ST7: variants seen among roughly 807,000 people sequenced by gnomAD.
ST7 encodes the protein suppressor of tumorigenicity 7 protein.
ST7 carries 28 observed loss-of-function variants against 78.7 expected under a neutral mutation model. That is an observed-to-expected ratio of 0.36 (90% CI 0.26 to 0.49). ST7 has a LOEUF of 0.49. Ranked by LOEUF, ST7 falls within the 20% of genes least tolerant of loss-of-function variation. ST7 has a pLI of 0.99. For missense variants in ST7, 418 were observed against 696.0 expected, an observed-to-expected ratio of 0.60 and a Z score of 4.49; for synonymous variants, 247 against 249.6, an observed-to-expected ratio of 0.99 and a Z score of 0.10.
chr7:117,025,681 C>T (rs1796150270), intron 1 of ST7, among the ~76,000 whole-genome samples: 1 of 152,174 alleles, frequency 6.6e-6, no homozygotes, highest in African/African-American at 2.4e-5. Context: ...TATACTGGAA[C>T]ATAGTCATAC....
In ST7 at chr7:116,998,160, C is replaced by T. The variant is rs150042198; in HGVS notation, c.151+44469C>T. ...CTGCCCACTGGGGAGTCAGCTGAGGCCCAGCGAGAATTCGAGCGTAGCGCT... is the reference window on the plus strand; with the variant it reads ...CTGCCCACTGGGGAGTCAGCTGAGGTCCAGCGAGAATTCGAGCGTAGCGCT... On this transcript the variant is annotated intron_variant, in intron 1 of 15. Coordinates refer to ENST00000323984, the MANE Select transcript of ST7 (RefSeq NM_001369598.1). 6.2e-3 allele frequency among the ~76,000 whole-genome samples: 938 copies of T among 152,344 alleles called. 6 individuals carry two copies. The highest frequency in any genetic ancestry group is 1.0e-2 in the Non-Finnish European group (679 of 68,022).
At chr7:117,124,067 T>A (rs1803622901) in intron 3 of ST7, among the ~76,000 whole-genome samples, 1 of 152,092 alleles carries the variant, frequency 6.6e-6, no homozygotes, top group Non-Finnish European at 1.5e-5. Flanking sequence ...AATTAAATTT[T>A]ATTACATGGC....
chr7:117,113,845 G>A (rs1420258840), intron 2 of ST7, among the ~76,000 whole-genome samples: 2 of 151,904 alleles, frequency 1.3e-5, no homozygotes, highest in African/African-American at 4.8e-5. Context: ...GCAGGGCTTG[G>A]GATGAATGAC....
At chr7:117,227,006 A>G (rs995053465) in intron 15 of ST7, among the ~76,000 whole-genome samples, 20 of 152,238 alleles carry the variant, frequency 1.3e-4, no homozygotes, top group African/African-American at 4.8e-4. Flanking sequence ...ATTTATGGAC[A>G]TCAACCAGGA....
intron 1 of ST7, among the ~76,000 whole-genome samples, chr7:117,014,169 AAAG>A (rs1164163858): frequency 6.6e-6 from 1 of 152,234 alleles, no homozygotes; most frequent in African/African-American, 2.4e-5. Context: ...GCTTACAAAA[AAAG>A]ATAAAAAAAG....
chr7:117,133,375 A>G (rs186624656), intron 6 of ST7, among the ~76,000 whole-genome samples: 1 of 151,778 alleles, frequency 6.6e-6, no homozygotes, highest in Non-Finnish European at 1.5e-5. Context: ...TTTAGAATGG[A>G]TCAATTATTT....
intron 1 of ST7, among the ~76,000 whole-genome samples, chr7:116,957,822 C>T (rs538123686): frequency 1.0e-3 from 158 of 152,344 alleles, no homozygotes; most frequent in African/African-American, 3.6e-3. Flanking sequence ...TGAATTTAAA[C>T]ACCTTTTCCT....
intron 1 of ST7, among the ~76,000 whole-genome samples, chr7:116,987,947 G>A (rs1422686251): frequency 1.3e-5 from 2 of 152,290 alleles, no homozygotes; most frequent in Non-Finnish European, 1.5e-5. Flanking sequence ...GGCTGATCTC[G>A]AACTCCTGAC....
chr7:117,160,350 A>C (rs557698288), intron 9 of ST7, among the ~76,000 whole-genome samples: 2 of 152,020 alleles, frequency 1.3e-5, no homozygotes, highest in East Asian at 3.9e-4. Context: ...ATGACTCCCT[A>C]TGTGTCTGTG....
At chr7:117,061,976 G>T (rs2116447581) in intron 1 of ST7, among the ~76,000 whole-genome samples, 1 of 152,284 alleles carries the variant, frequency 6.6e-6, no homozygotes, top group South Asian at 2.1e-4. Flanking sequence ...GGCTCAACAG[G>T]AATTTCTTTC....
chr7:117,058,349 T>C (rs1270417598), intron 1 of ST7, among the ~76,000 whole-genome samples: 7 of 152,202 alleles, frequency 4.6e-5, no homozygotes, highest in Non-Finnish European at 1.5e-5. Context: ...TATCTGTCTT[T>C]GGAAATTAAT....
intron 13 of ST7, among the ~76,000 whole-genome samples, chr7:117,216,111 C>T (rs574039651): frequency 2.0e-5 from 3 of 152,116 alleles, no homozygotes; most frequent in East Asian, 1.9e-4. Flanking sequence ...GAATCTCTGA[C>T]GGGAACAGCA....
intron 14 of ST7, among the ~76,000 whole-genome samples, chr7:117,220,852 A>G (rs1362564248): frequency 2.6e-5 from 4 of 152,208 alleles, no homozygotes; most frequent in Non-Finnish European, 4.4e-5. Flanking sequence ...ATTCGTCTGC[A>G]TGGAGTTCCT....
intron 1 of ST7, among the ~76,000 whole-genome samples, chr7:116,984,886 G>C (rs995949348): frequency 3.9e-5 from 6 of 152,098 alleles, no homozygotes; most frequent in Admixed American, 6.6e-5. Context: ...ATTTAGTCAT[G>C]ACGTGATTAT....
chr7:116,960,399 G>A (rs1394543074), intron 1 of ST7, among the ~76,000 whole-genome samples: 1 of 152,096 alleles, frequency 6.6e-6, no homozygotes, highest in African/African-American at 2.4e-5. Flanking sequence ...ATCTTGTCCA[G>A]ACTGGTCTCA....
At chr7:116,997,120 T>C (rs963051404) in intron 1 of ST7, among the ~76,000 whole-genome samples, 2 of 152,182 alleles carry the variant, frequency 1.3e-5, no homozygotes, top group Non-Finnish European at 2.9e-5. Flanking sequence ...TTCTGGTGGG[T>C]TCATGGTCTC....
intron 9 of ST7, among the ~76,000 whole-genome samples, chr7:117,154,567 G>A (rs1186245262): frequency 1.3e-5 from 2 of 152,192 alleles, no homozygotes; most frequent in South Asian, 4.1e-4. Context: ...AGAAGACAGG[G>A]TCATCTGCTG....
chr7:116,968,400 G>A (rs770882268), intron 1 of ST7: 9 of 444,824 alleles, frequency 2.0e-5, no homozygotes, highest in South Asian at 1.4e-4. Flanking sequence ...TTGAGACAGT[G>A]TCTTACTATG....
intron 1 of ST7, among the ~76,000 whole-genome samples, chr7:117,036,923 C>T (rs1467813364): frequency 2.0e-5 from 3 of 152,110 alleles, no homozygotes; most frequent in Non-Finnish European, 4.4e-5. Flanking sequence ...TCTTTCAGCG[C>T]TTCAGCCTAA....
Sources: gnomAD v4.1 joint callset for allele counts (sites outside exome capture counted in the v4.1 genomes callset) on GRCh38, gnomAD v4.1.1 for gene constraint, MANE v1.5 for transcripts, NCBI Gene and HGNC (gene_info 2026-07-23, HGNC 2026-07-21) for gene names.